DCDC2C: variants seen among roughly 807,000 people sequenced by gnomAD.
DCDC2C encodes doublecortin domain-containing protein 2C.
A neutral mutation model predicts 45.0 loss-of-function variants in DCDC2C; 44 were observed. The observed-to-expected ratio is 0.98, with a 90% CI of 0.77 to 1.26. DCDC2C has a LOEUF of 1.26. Among genes scored for constraint, DCDC2C ranks in the 50% most tolerant of loss-of-function variants. The pLI, the probability that DCDC2C is intolerant of heterozygous loss-of-function variation, is 0.00. For missense variants in DCDC2C, 447 were observed against 468.9 expected, an observed-to-expected ratio of 0.95 and a Z score of 0.43; for synonymous variants, 187 against 178.8, an observed-to-expected ratio of 1.05 and a Z score of -0.37.
chr2:3,798,730 C>T (rs377224916), intron 10 of DCDC2C, among the ~76,000 whole-genome samples: 26 of 149,666 alleles, frequency 1.7e-4, no homozygotes, highest in East Asian at 1.9e-4. Context: ...GAGTTTCTGC[C>T]GAGAGATCTG....
At chr2:3,832,863 T>C (rs932347784) in intron 10 of DCDC2C, among the ~76,000 whole-genome samples, 1 of 152,222 alleles carries the variant, frequency 6.6e-6, no homozygotes, top group African/African-American at 2.4e-5. Flanking sequence ...GTGCTTTTAT[T>C]AATTTCCAAT....
chr2:3,780,601 G>T (rs147102669), intron 9 of DCDC2C, among the ~76,000 whole-genome samples: 43 of 152,274 alleles, frequency 2.8e-4, no homozygotes, highest in African/African-American at 8.7e-4. Context: ...GCCATACCTT[G>T]GTTCTCTTGC....
At chr2:3,727,629 G>A (rs956387187) in intron 3 of DCDC2C, among the ~76,000 whole-genome samples, 3 of 152,244 alleles carry the variant, frequency 2.0e-5, no homozygotes, top group Admixed American at 2.0e-4. Context: ...GCCAGGCACC[G>A]AGGTGCTCAG....
chr2:3,755,550 T>C (rs1038113281), intron 6 of DCDC2C, among the ~76,000 whole-genome samples: 9 of 151,622 alleles, frequency 5.9e-5, no homozygotes, highest in Non-Finnish European at 1.3e-4. Context: ...TGTAGGGATG[T>C]ATGTGTGTGC....
chr2:3,846,584 G>T (rs1672335414), intron 10 of DCDC2C, among the ~76,000 whole-genome samples: 1 of 152,124 alleles, frequency 6.6e-6, no homozygotes. Flanking sequence ...AGAGGTAAAG[G>T]AGATTCATTT....
At chr2:3,747,097 T>A (rs1258499507) in intron 4 of DCDC2C, among the ~76,000 whole-genome samples, 1 of 152,166 alleles carries the variant, frequency 6.6e-6, no homozygotes, top group Admixed American at 6.5e-5. Context: ...TGCAGAGTTT[T>A]ACGATGTTCT....
Position 3,713,284 on chromosome 2 carries a change from G to A in DCDC2C, c.339+4684G>A, listed in dbSNP as rs537667684. On this transcript the variant is annotated intron_variant, in intron 2 of 10. Transcript: ENST00000399143. Reference sequence around the variant, plus strand: ...GAGAACCCTGGTGTGCAGTGGCAGCGGAAGGCACCTCCCAGTGTCTTGAGT... The same window carrying A: ...GAGAACCCTGGTGTGCAGTGGCAGCAGAAGGCACCTCCCAGTGTCTTGAGT... 5.3e-5 allele frequency among the ~76,000 whole-genome samples: 8 copies of A among 152,292 alleles called. No individual in the cohort carries two copies. The South Asian group carries it at 6.2e-4, about 12-fold the overall frequency.
intron 9 of DCDC2C, among the ~76,000 whole-genome samples, chr2:3,783,245 G>C (rs747623536): frequency 2.6e-5 from 4 of 152,192 alleles, no homozygotes; most frequent in Admixed American, 1.3e-4. Flanking sequence ...GAGGGAGTGG[G>C]AGATGGACTC....
chr2:3,767,828 C>T lies in DCDC2C; in HGVS notation c.801C>T (p.Ala267=). ...PPKTQDSVYY[A]KEEKKKTLAE... Reference sequence around the variant, plus strand: ...AAACACAGGATTCTGTTTATTATGCCAAAGAAGAAAAGAAGAAAACATTGG... The same window carrying T: ...AAACACAGGATTCTGTTTATTATGCTAAAGAAGAAAAGAAGAAAACATTGG... Residue 267 remains alanine (A), a synonymous_variant, in exon 7 of 11, where the codon GCC becomes GCT. Transcript: ENST00000399143. The T allele has an allele frequency of 6.5e-7, 1 of 1,542,748 alleles. No individual in the cohort carries two copies. The highest frequency in any genetic ancestry group is 1.2e-5 in the South Asian group (1 of 82,410).
intron 4 of DCDC2C, among the ~76,000 whole-genome samples, chr2:3,751,185 GC>G (rs1477350230): frequency 2.0e-5 from 3 of 152,062 alleles, no homozygotes; most frequent in African/African-American, 7.2e-5. Context: ...TTGCTGTTTG[GC>G]CCCCGGGAGC....
At chr2:3,799,944 A>G (rs1277754107) in intron 10 of DCDC2C, among the ~76,000 whole-genome samples, 1 of 152,216 alleles carries the variant, frequency 6.6e-6, no homozygotes, top group African/African-American at 2.4e-5. Flanking sequence ...ATCCTGGGCA[A>G]TGGCGGGCGC....
intron 6 of DCDC2C, among the ~76,000 whole-genome samples, chr2:3,765,355 A>G (rs1471642418): frequency 6.6e-6 from 1 of 152,210 alleles, no homozygotes; most frequent in African/African-American, 2.4e-5. Context: ...TCATAGGGAC[A>G]CATCAAAGAG....
chr2:3,756,794 G>A (rs1669733369), intron 6 of DCDC2C, among the ~76,000 whole-genome samples: 1 of 152,196 alleles, frequency 6.6e-6, no homozygotes, highest in Non-Finnish European at 1.5e-5. Context: ...TAGCCTGTCT[G>A]ACTTCTTTCT....
intron 9 of DCDC2C, among the ~76,000 whole-genome samples, chr2:3,780,513 A>G (rs1328863152): frequency 2.0e-5 from 3 of 152,214 alleles, no homozygotes; most frequent in Admixed American, 6.5e-5. Context: ...TGTAAGCACT[A>G]TCACTGGAAT....
chr2:3,773,699 C>G (rs1670248951), intron 8 of DCDC2C, among the ~76,000 whole-genome samples: 1 of 152,192 alleles, frequency 6.6e-6, no homozygotes, highest in African/African-American at 2.4e-5. Flanking sequence ...ATTGGAAACC[C>G]TGCCAGGTCC....
intron 3 of DCDC2C, among the ~76,000 whole-genome samples, chr2:3,728,899 G>A (rs547623484): frequency 5.3e-5 from 8 of 152,322 alleles, no homozygotes; most frequent in African/African-American, 1.9e-4. Flanking sequence ...GTCACCGGGG[G>A]ATTGAGCTGG....
At chr2:3,733,992 G>A (rs1468872842) in intron 3 of DCDC2C, among the ~76,000 whole-genome samples, 1 of 152,114 alleles carries the variant, frequency 6.6e-6, no homozygotes, top group African/African-American at 2.4e-5. Flanking sequence ...ATTTTCCCAA[G>A]TGTCATCTGA....
chr2:3,748,731 G>T (rs1335122283), intron 4 of DCDC2C, among the ~76,000 whole-genome samples: 1 of 152,106 alleles, frequency 6.6e-6, no homozygotes, highest in Non-Finnish European at 1.5e-5. Context: ...CTGAGTTCTG[G>T]GCTCAGCTTC....
Position 3,778,700 on chromosome 2 carries a change from C to T in DCDC2C, c.955-116C>T, listed in dbSNP as rs56882965. 4.6e-3 allele frequency: 4,141 copies of T among 908,760 alleles called. 114 individuals are homozygous for T. In the African/African-American group the frequency reaches 0.061, roughly 13 times the overall value. The allele number at this position is 908,760 out of a possible 1,614,324, so 56.3% of individuals were successfully genotyped here. On this transcript the variant is annotated intron_variant, in intron 8 of 10. Transcript: ENST00000399143. ...GCATCTGGAGAAACTGCAGTGACTTCCCCAGCTCTACCCATAGAAGTGGTC... is the reference window on the plus strand; with the variant it reads ...GCATCTGGAGAAACTGCAGTGACTTTCCCAGCTCTACCCATAGAAGTGGTC...
Sources: gnomAD v4.1 joint callset for allele counts (sites outside exome capture counted in the v4.1 genomes callset) on GRCh38, gnomAD v4.1.1 for gene constraint, MANE v1.5 for transcripts, NCBI Gene and HGNC (gene_info 2026-07-23, HGNC 2026-07-21) for gene names.